The following ADCY5 variants were observed in gnomAD, a reference collection of about 807,000 sequenced individuals.
The protein encoded by ADCY5 is adenylate cyclase type 5.
A neutral mutation model predicts 119.7 loss-of-function variants in ADCY5; 30 were observed. The observed-to-expected ratio is 0.25, with a 90% CI of 0.19 to 0.34. The LOEUF is 0.34. ADCY5 is among the 10% of genes least tolerant of loss of function. ADCY5 has a pLI of 1.00. For missense variants in ADCY5, 1,324 were observed against 1,775.2 expected, an observed-to-expected ratio of 0.75 and a Z score of 4.57; for synonymous variants, 753 against 762.2, an observed-to-expected ratio of 0.99 and a Z score of 0.20.
At chr3:123,298,466 A>G (rs866191993) in intron 15 of ADCY5, among the ~76,000 whole-genome samples, 6 of 152,072 alleles carry the variant, frequency 3.9e-5, no homozygotes, top group Non-Finnish European at 8.8e-5. Flanking sequence ...AAGTTCCTGG[A>G]CCTCCTGTTC....
Position 123,319,678 on chromosome 3 carries a change from T to C in ADCY5, c.2252A>G (p.Lys751Arg), listed in dbSNP as rs759297277. The C allele has an allele frequency of 6.2e-7, 1 of 1,614,190 alleles. No homozygotes were observed. The highest frequency in any genetic ancestry group is 8.5e-7 in the Non-Finnish European group (1 of 1,180,016). ...LLTFREPDLE[K>R]KYSKQVDDRF... ...TTCCCACCCAGGGTGCTGTACCTTC[T>C]TCTCTAAGTCAGGCTCCCTGAAGGT... The change falls in exon 10 of 21, where the codon AAG (lysine) becomes AGG (arginine). Residue 751 changes from lysine to arginine, a missense_variant. Physicochemically the swap from Lys to Arg is conservative, Grantham distance 26. This residue lies in a region of ADCY5 where 424 missense variants were observed against 546.8 expected (regional missense o/e 0.78). Transcript: ENST00000462833.
rs1938599533 is a variant in ADCY5 at position 123,284,542 on chromosome 3, GCA to G, written c.*64_*65del. On this transcript the variant is annotated 3_prime_UTR_variant, in exon 21 of 21. Transcript: ENST00000462833. ...GAGCATGGCTTCCCCGCCACCCCCG[GCA>G]CACAGAGAAGCTGCTTCCATGCCTC... is the stretch of plus-strand genomic sequence containing the variant. The G allele has an allele frequency of 1.3e-6, 2 of 1,599,274 alleles. No individual in the cohort carries two copies. The highest frequency in any genetic ancestry group is 1.7e-5 in the Admixed American group (1 of 59,614).
At chr3:123,320,881 G>A (rs1346237555) in intron 8 of ADCY5, 110 bp from the exon 9 acceptor site, 27 of 779,088 alleles carry the variant, frequency 3.5e-5, no homozygotes, top group Admixed American at 2.3e-4. Context: ...CCCAAAGGAC[G>A]TGGACATAGA....
In ADCY5 at chr3:123,317,789, G is replaced by A. The variant is rs1267281615; in HGVS notation, c.2354+231C>T. 2.7e-5 allele frequency among the ~76,000 whole-genome samples: 4 copies of A among 150,668 alleles called. No individual in the cohort carries two copies. The East Asian group carries it at 7.8e-4, about 29-fold the overall frequency. On this transcript the variant is annotated intron_variant, in intron 11 of 20. Coordinates refer to ENST00000462833, the MANE Select transcript of ADCY5 (RefSeq NM_183357.3). ...AAAGAAGCATCTTTCATGCAGCTGT[G>A]CAGCGCCTAGTGAGAGTTGCCCACC... is the stretch of plus-strand genomic sequence containing the variant.
In ADCY5 at chr3:123,284,409, G is replaced by T; in HGVS notation, c.*199C>A. 1 of 743,642 alleles carries T rather than the reference G, an allele frequency of 1.3e-6. No individual in the cohort carries two copies. The highest frequency in any genetic ancestry group is 2.1e-6 in the Non-Finnish European group (1 of 471,286). The allele number at this position is 743,642 out of a possible 1,614,324, so 46.1% of individuals were successfully genotyped here. A position where few individuals can be genotyped will look rare whatever the true frequency, so the allele number is the denominator to read the frequency against. ...ATCTTTGGTCAGCTGGGTGCTCGCA[G>T]GACGCTGGCACCCCGGGGCCTGGGA... On this transcript the variant is annotated 3_prime_UTR_variant, in exon 21 of 21. Coordinates refer to ENST00000462833, the MANE Select transcript of ADCY5 (RefSeq NM_183357.3).
chr3:123,383,799 A>ACG (rs1559851724), intron 1 of ADCY5, among the ~76,000 whole-genome samples: 1 of 151,660 alleles, frequency 6.6e-6, no homozygotes, highest in African/African-American at 2.4e-5. Context: ...ACACACATAC[A>ACG]CGCACACACA....
At chr3:123,349,889 AAAATACACC>A (rs780377255) in intron 2 of ADCY5, among the ~76,000 whole-genome samples, 132 of 152,286 alleles carry the variant, frequency 8.7e-4, no homozygotes, top group Admixed American at 1.8e-3. Flanking sequence ...TGCTTTTCCT[AAAATACACC>A]AGACCATGTC....
At chr3:123,371,320 TA>T (rs1219138564) in intron 1 of ADCY5, among the ~76,000 whole-genome samples, 3 of 152,322 alleles carry the variant, frequency 2.0e-5, no homozygotes, top group Admixed American at 2.0e-4. Context: ...AAGGACTGTG[TA>T]AAGATTAAGA....
intron 1 of ADCY5, among the ~76,000 whole-genome samples, chr3:123,401,465 A>C (rs1376329402): frequency 1.3e-5 from 2 of 152,194 alleles, no homozygotes; most frequent in Non-Finnish European, 2.9e-5. Context: ...TAGGATGAAA[A>C]ACAAGCATCT....
chr3:123,440,605 C>T (rs149072725), intron 1 of ADCY5, among the ~76,000 whole-genome samples: 6 of 152,218 alleles, frequency 3.9e-5, no homozygotes, highest in East Asian at 1.9e-4. Context: ...CACACCACCT[C>T]GGAATTCTTC....
At chr3:123,339,339 G>A (rs1180908482) in intron 3 of ADCY5, among the ~76,000 whole-genome samples, 1 of 152,176 alleles carries the variant, frequency 6.6e-6, no homozygotes. Context: ...AGGGGAGTTA[G>A]CACAATCAGG....
rs776695460 is a variant in ADCY5, at chr3:123,447,894, A to T, written c.652T>A (p.Ser218Thr). The change falls in exon 1 of 21, where the codon TCC (serine) becomes ACC (threonine). Residue 218 changes from serine (S) to threonine (T), a missense_variant. Around this residue, in one of 6 missense-constraint regions of ADCY5, gnomAD observed 585 missense variants for 569.9 expected, o/e 1.03. Transcript: ENST00000462833. ...AGTTTGTCCGACGGGAACTTCTTGG[A>T]GCGGAATATCTGCAGCAACGCCAGG... ...CCLALLQIFRSKKFPSDKLER... is the reference protein window; with the variant it reads ...CCLALLQIFRTKKFPSDKLER... 6 of 1,611,876 alleles carry T rather than the reference A, an allele frequency of 3.7e-6. No individual in the cohort carries two copies. Among genetic ancestry groups the T allele is most frequent in the Non-Finnish European group, 5.1e-6 (6 of 1,179,226 alleles).
Position 123,448,228 on chromosome 3 carries a change from G to A in ADCY5, c.318C>T (p.Arg106=). Residue 106 remains arginine (R), a synonymous_variant, in exon 1 of 21, where the codon CGC becomes CGT. Coordinates refer to ENST00000462833, the MANE Select transcript of ADCY5 (RefSeq NM_183357.3). ...SFRSKSAWQE[R]GGDDCGRGSR... is the part of the protein sequence containing the mutation. ...TGCCGCGACCGCAGTCGTCGCCGCC[G>A]CGCTCCTGCCAGGCGGACTTGGAGC... 7.3e-7 allele frequency: 1 copy of A among 1,374,356 alleles called. No individual in the cohort carries two copies. The highest frequency in any genetic ancestry group is 3.0e-5 in the East Asian group (1 of 33,092). 85.1% of individuals were successfully genotyped at this position (1,374,356 alleles called of 1,614,324 possible).
chr3:123,334,645 G>T (rs1461676811), intron 3 of ADCY5, among the ~76,000 whole-genome samples: 1 of 152,184 alleles, frequency 6.6e-6, no homozygotes, highest in Admixed American at 6.5e-5. Context: ...GGCTGAGGCA[G>T]GAGAATCACT....
chr3:123,310,435 C>T (rs1319618824), intron 12 of ADCY5, among the ~76,000 whole-genome samples: 1 of 152,156 alleles, frequency 6.6e-6, no homozygotes, highest in African/African-American at 2.4e-5. Context: ...TGTGAGTGAG[C>T]TCCCTATCCC....
chr3:123,342,127 C>T (rs542387571), intron 3 of ADCY5, among the ~76,000 whole-genome samples: 15 of 152,220 alleles, frequency 9.9e-5, no homozygotes, highest in South Asian at 6.2e-4. Context: ...AGGTTTGAGA[C>T]GGGAATGCAG....
intron 1 of ADCY5, among the ~76,000 whole-genome samples, chr3:123,393,997 C>A (rs1262595262): frequency 6.6e-6 from 1 of 152,060 alleles, no homozygotes; most frequent in Non-Finnish European, 1.5e-5. Flanking sequence ...CAAAATTAGC[C>A]AGGCGTGGTG....
chr3:123,294,173 T>A (rs187410965), intron 17 of ADCY5, among the ~76,000 whole-genome samples: 1 of 151,934 alleles, frequency 6.6e-6, no homozygotes, highest in Non-Finnish European at 1.5e-5. Context: ...AGCAAATCAA[T>A]GGAGGAGGAG....
At chr3:123,424,425 G>C (rs4677889) in intron 1 of ADCY5, among the ~76,000 whole-genome samples, 1 of 152,022 alleles carries the variant, frequency 6.6e-6, no homozygotes, top group African/African-American at 2.4e-5. Context: ...GGGGGAAGGC[G>C]AGTGCTCTCC....
Sources: gnomAD v4.1 joint callset for allele counts (sites outside exome capture counted in the v4.1 genomes callset) on GRCh38, gnomAD v4.1.1 for gene constraint, gnomAD v4.1.1 regional missense constraint, MANE v1.5 for transcripts, NCBI Gene and HGNC (gene_info 2026-07-23, HGNC 2026-07-21) for gene names.